FBXW7: variants seen among roughly 807,000 people sequenced by gnomAD.
FBXW7 encodes F-box/WD repeat-containing protein 7.
Under a neutral mutation model 86.3 loss-of-function variants are expected in FBXW7, and 11 were observed. The observed-to-expected ratio is 0.13, with a 90% CI of 0.08 to 0.21. The LOEUF (loss-of-function observed/expected upper bound fraction) is 0.21, where lower values mean the gene tolerates loss of function less well. FBXW7 is among the 10% of genes least tolerant of loss of function. The pLI is 1.00. For synonymous variants in FBXW7, 313 were observed against 297.9 expected (o/e 1.05, Z -0.52); for missense variants, 488 against 847.4 (o/e 0.58, Z 5.27).
Position 152,337,874 on chromosome 4 carries a change from T to C in FBXW7, c.789A>G (p.Thr263=), listed in dbSNP as rs761636157. The C allele has an allele frequency of 6.2e-7, 1 of 1,612,790 alleles. No individual in the cohort carries two copies. Among genetic ancestry groups the C allele is most frequent in the Non-Finnish European group, 8.5e-7 (1 of 1,179,246 alleles). ...LDELIDSCEP[T]QVKHMMQVIE... The stretch of plus-strand genomic sequence containing the variant: ...TCACTTGCATCATATGTTTTACTTG[T>C]GTTGGTTCACAACTATCAATGAGTT... Residue 263 remains threonine, a synonymous_variant, in exon 7 of 14, where the codon ACA becomes ACG. Coordinates refer to ENST00000281708, the MANE Select transcript of FBXW7 (RefSeq NM_001349798.2).
chr4:152,466,472 T>C (rs1743451299), intron 2 of FBXW7, among the ~76,000 whole-genome samples: 1 of 151,408 alleles, frequency 6.6e-6, no homozygotes, highest in Non-Finnish European at 1.5e-5. Flanking sequence ...TGAGAATCAC[T>C]TGAACCCGGG....
At position 152,332,413 on chromosome 4, in the gene FBXW7, G is replaced by T. The variant is rs143364518; in HGVS notation, c.985+183C>A. On this transcript the variant is annotated intron_variant, in intron 8 of 13. Transcript: ENST00000281708. Reference sequence around the variant, plus strand: ...GATAGGAAGCAAATCAGATATATTTGCTATTAGTTATATTGCTTGTTAAAG... The same window carrying T: ...GATAGGAAGCAAATCAGATATATTTTCTATTAGTTATATTGCTTGTTAAAG... Among the ~76,000 whole-genome samples the T allele has an allele frequency of 9.9e-3, 1,502 of 152,144 alleles. 49 individuals carry two copies. The highest frequency in any genetic ancestry group is 0.062 in the Admixed American group (943 of 15,254).
intron 2 of FBXW7, among the ~76,000 whole-genome samples, chr4:152,476,291 C>A (rs1277295150): frequency 6.6e-6 from 1 of 152,066 alleles, no homozygotes; most frequent in African/African-American, 2.4e-5. Context: ...AAACAATGAA[C>A]CTGAACTCTA....
chr4:152,337,669 CT>C, intron 7 of FBXW7, 132 bp downstream of exon 7: 1 of 893,248 alleles, frequency 1.1e-6, no homozygotes, highest in East Asian at 2.6e-5. Context: ...TTACAGCCCT[CT>C]TTACCACTAA....
chr4:152,433,094 T>C (rs992568230), intron 2 of FBXW7, among the ~76,000 whole-genome samples: 1 of 152,232 alleles, frequency 6.6e-6, no homozygotes, highest in African/African-American at 2.4e-5. Context: ...TACTTTCTAT[T>C]GTATGAATAT....
chr4:152,439,229 G>A (rs991890881), intron 2 of FBXW7, among the ~76,000 whole-genome samples: 3 of 151,798 alleles, frequency 2.0e-5, no homozygotes, highest in African/African-American at 7.3e-5. Context: ...TTTTTCCCAC[G>A]TTAATTTTTT....
chr4:152,402,786 G>T (rs1737061616), intron 4 of FBXW7, among the ~76,000 whole-genome samples: 1 of 152,196 alleles, frequency 6.6e-6, no homozygotes, highest in Non-Finnish European at 1.5e-5. Flanking sequence ...GATCACAGAT[G>T]AATATGGCAG....
intron 4 of FBXW7, among the ~76,000 whole-genome samples, chr4:152,354,683 T>G (rs1404874946): frequency 1.3e-5 from 2 of 152,068 alleles, no homozygotes; most frequent in Admixed American, 6.5e-5. Flanking sequence ...TCTCTTAACT[T>G]TGTATATTCA....
intron 4 of FBXW7, among the ~76,000 whole-genome samples, chr4:152,355,985 A>G (rs1394269774): frequency 6.6e-6 from 1 of 152,176 alleles, no homozygotes; most frequent in African/African-American, 2.4e-5. Context: ...AGTGAGAAAA[A>G]TATACACAAA....
chr4:152,337,962 A>G, intron 6 of FBXW7, 26 bp from the exon 7 acceptor site: 1 of 1,584,682 alleles, frequency 6.3e-7, no homozygotes, highest in Non-Finnish European at 8.5e-7. Context: ...AGAAATTTTT[A>G]TTGTTTTAAC....
chr4:152,348,826 G>A (rs1286648086), intron 5 of FBXW7: 2 of 378,496 alleles, frequency 5.3e-6, no homozygotes, highest in Non-Finnish European at 9.0e-6. Context: ...AGTTTCACTT[G>A]TCTCTCTATC....
At chr4:152,386,519 T>G (rs1735540902) in intron 4 of FBXW7, among the ~76,000 whole-genome samples, 1 of 152,156 alleles carries the variant, frequency 6.6e-6, no homozygotes, top group African/African-American at 2.4e-5. Flanking sequence ...CATTTCCAAT[T>G]TTAAAATCAC....
intron 2 of FBXW7, among the ~76,000 whole-genome samples, chr4:152,439,166 T>C (rs748838925): frequency 1.3e-5 from 2 of 152,082 alleles, no homozygotes; most frequent in Non-Finnish European, 2.9e-5. Flanking sequence ...CATTCCACAA[T>C]GTTAAAACCA....
rs545524298 is a variant in FBXW7, at chr4:152,531,245, T to C, written c.-120+3696A>G. Among the ~76,000 whole-genome samples the C allele has an allele frequency of 5.9e-5, 9 of 152,346 alleles. 1 individual carries two copies. The South Asian group carries it at 1.9e-3, about 32-fold the overall frequency. On this transcript the variant is annotated intron_variant, in intron 2 of 13. Coordinates refer to ENST00000281708, the MANE Select transcript of FBXW7 (RefSeq NM_001349798.2). ...ATGGCTTCGACTGCACAAAAAATGT[T>C]GTGGAAAGTGGAGGATGACAAGAGA...
chr4:152,354,861 G>A (rs1000829307), intron 4 of FBXW7, among the ~76,000 whole-genome samples: 11 of 152,068 alleles, frequency 7.2e-5, no homozygotes, highest in African/African-American at 2.7e-4. Flanking sequence ...ATTCTACACT[G>A]AGAAGTCTTT....
rs1486438727 is a variant in FBXW7, at chr4:152,535,125, ACCT to A, written c.-214_-213+1del. The A allele has an allele frequency of 6.5e-6, 1 of 153,074 alleles. No homozygotes were observed. Among genetic ancestry groups the A allele is most frequent in the African/African-American group, 2.4e-5 (1 of 41,280 alleles). 9.5% of individuals were successfully genotyped at this position (153,074 alleles called of 1,614,324 possible). A position where few individuals can be genotyped will look rare whatever the true frequency, so the allele number is the denominator to read the frequency against. On this transcript the variant is annotated splice_donor_variant and 5_prime_UTR_variant, in exon 1 of 14. Coordinates refer to ENST00000281708, the MANE Select transcript of FBXW7 (RefSeq NM_001349798.2). LOFTEE classifies it low-confidence loss of function (5UTR_SPLICE). ...GGGAGGGGAGGCGGCGGCCCCGCTT[ACCT>A]CCTCTTTTCCTCTTCCTGGGTCTTT...
chr4:152,436,151 G>A (rs1306411402), intron 2 of FBXW7, among the ~76,000 whole-genome samples: 1 of 152,036 alleles, frequency 6.6e-6, no homozygotes, highest in Non-Finnish European at 1.5e-5. Flanking sequence ...TCAAAAGCTA[G>A]AAATGCAAAA....
chr4:152,501,067 T>C (rs1746900473), intron 2 of FBXW7, among the ~76,000 whole-genome samples: 1 of 152,188 alleles, frequency 6.6e-6, no homozygotes, highest in Non-Finnish European at 1.5e-5. Context: ...GGAAGAAGCT[T>C]AAGACATGCA....
chr4:152,500,110 T>C (rs940414599), intron 2 of FBXW7, among the ~76,000 whole-genome samples: 14 of 152,276 alleles, frequency 9.2e-5, no homozygotes, highest in African/African-American at 3.1e-4. Context: ...CCTCAAAGTA[T>C]TTCTCATTAG....
Sources: allele counts gnomAD v4.1 joint callset (sites outside exome capture counted in the v4.1 genomes callset), GRCh38; gene constraint gnomAD v4.1.1; transcripts MANE v1.5; gene names NCBI Gene and HGNC (gene_info 2026-07-23, HGNC 2026-07-21).